The following GRM3 variants were observed in gnomAD, a reference collection of about 807,000 sequenced individuals.
GRM3 encodes glutamate metabotropic receptor 3, also known as metabotropic glutamate receptor 3.
Under a neutral mutation model 70.5 loss-of-function variants are expected in GRM3, and 26 were observed. The observed-to-expected ratio is 0.37, with a 90% confidence interval of 0.27 to 0.51. The LOEUF is 0.51. GRM3 is among the 20% of genes least tolerant of loss of function. The pLI, the probability that GRM3 is intolerant of heterozygous loss-of-function variation, is 0.93. For missense variants in GRM3, 859 were observed against 1,123.8 expected (o/e 0.76, Z 3.37); for synonymous variants, 443 against 434.9 (o/e 1.02, Z -0.23).
At chr7:86,841,413 T>C (rs17161032) in intron 4 of GRM3, among the ~76,000 whole-genome samples, 3,899 of 152,100 alleles carry the variant, frequency 0.026, 188 homozygotes, top group African/African-American at 0.09. Flanking sequence ...AAGAGTGGAG[T>C]ATATGAACTA....
At chr7:86,670,186 A>G (rs1214810817) in intron 1 of GRM3, among the ~76,000 whole-genome samples, 1 of 152,218 alleles carries the variant, frequency 6.6e-6, no homozygotes, top group Non-Finnish European at 1.5e-5. Context: ...AAGGCCTACA[A>G]AAATTTGTGC....
chr7:86,816,964 C>CAG (rs1798029337), intron 3 of GRM3, among the ~76,000 whole-genome samples: 1 of 151,824 alleles, frequency 6.6e-6, no homozygotes, highest in Admixed American at 6.6e-5. Context: ...AGGCACAGAA[C>CAG]AGAACCCTGA....
At chr7:86,748,649 T>A (rs1320936236) in intron 1 of GRM3, among the ~76,000 whole-genome samples, 3 of 152,064 alleles carry the variant, frequency 2.0e-5, no homozygotes, top group Admixed American at 2.0e-4. Context: ...TAAATACTCA[T>A]ATTTTAAAAA....
chr7:86,664,808 T>C (rs1175302146), intron 1 of GRM3, among the ~76,000 whole-genome samples: 1 of 151,994 alleles, frequency 6.6e-6, no homozygotes, highest in Non-Finnish European at 1.5e-5. Context: ...ACATGTGTGC[T>C]AGTAAACCCA....
chr7:86,786,476 G>A lies in GRM3; in HGVS notation c.684G>A (p.Glu228=), dbSNP rs776089280. ...SEGDYGETGI[E]AFEQEARLRN... ...GTGATTACGGGGAGACAGGGATCGA[G>A]GCCTTCGAGCAGGAAGCCCGCCTGC... The change falls in exon 3 of 6, where the codon GAG becomes GAA. Residue 228 remains glutamate, a synonymous_variant. Transcript: ENST00000361669. This position sits in a 1 kb window ranked among gnomAD's most constrained non-coding sequence, Gnocchi z 6.0. The A allele has an allele frequency of 1.9e-6, 3 of 1,614,244 alleles. No homozygotes were observed. The South Asian group carries it at 3.3e-5, about 18-fold the overall frequency.
intron 3 of GRM3, among the ~76,000 whole-genome samples, chr7:86,834,585 A>ATTT (rs67542488): frequency 6.7e-5 from 9 of 134,332 alleles, no homozygotes; most frequent in African/African-American, 2.1e-4. Context: ...TGCTTTCTCC[A>ATTT]TTTTTTTTTT....
chr7:86,849,207 T>C (rs1427988765), intron 4 of GRM3, among the ~76,000 whole-genome samples: 1 of 152,118 alleles, frequency 6.6e-6, no homozygotes, highest in East Asian at 1.9e-4. Flanking sequence ...AAACAAATTG[T>C]CCCAGATTCA....
In GRM3 at chr7:86,786,707, G is replaced by A. The variant is rs748466867; in HGVS notation, c.915G>A (p.Ala305=). Residue 305 remains alanine (A), a synonymous_variant, in exon 3 of 6, where the codon GCG becomes GCA. Coordinates refer to ENST00000361669, the MANE Select transcript of GRM3 (RefSeq NM_000840.3). This position sits in a 1 kb window ranked among gnomAD's most constrained non-coding sequence, Gnocchi z 6.0. ...FTWVASDGWG[A]QESIIKGSEH... Reference sequence around the variant, plus strand: ...GGGTGGCCAGCGACGGCTGGGGCGCGCAGGAGAGCATCATCAAGGGCAGCG... The same window carrying A: ...GGGTGGCCAGCGACGGCTGGGGCGCACAGGAGAGCATCATCAAGGGCAGCG... The A allele has an allele frequency of 1.2e-6, 2 of 1,612,616 alleles. No individual in the cohort carries two copies. The highest frequency in any genetic ancestry group is 1.7e-6 in the Non-Finnish European group (2 of 1,180,012).
intron 1 of GRM3, among the ~76,000 whole-genome samples, chr7:86,688,582 C>T (rs975426947): frequency 4.0e-5 from 6 of 151,010 alleles, no homozygotes; most frequent in East Asian, 1.9e-4. Context: ...AAAAAGCATA[C>T]GAAAGAAAAG....
At chr7:86,761,062 C>G (rs77315161) in intron 1 of GRM3, among the ~76,000 whole-genome samples, 3,449 of 152,180 alleles carry the variant, frequency 0.023, 68 homozygotes, top group East Asian at 0.05. Flanking sequence ...TTCATAAAAA[C>G]AGAGATGCAT....
chr7:86,790,227 T>C (rs2116568847), intron 3 of GRM3, among the ~76,000 whole-genome samples: 1 of 152,082 alleles, frequency 6.6e-6, no homozygotes, highest in East Asian at 1.9e-4. Context: ...ATCATTCCTA[T>C]ACTTCCCAAA....
chr7:86,765,724 G>A, intron 2 of GRM3, 111 bp downstream of exon 2: 1 of 830,718 alleles, frequency 1.2e-6, no homozygotes, highest in African/African-American at 1.7e-5. Flanking sequence ...TATCAACAAT[G>A]CAATTATTAA....
At chr7:86,827,246 T>C (rs1002513547) in intron 3 of GRM3, among the ~76,000 whole-genome samples, 1 of 152,238 alleles carries the variant, frequency 6.6e-6, no homozygotes, top group Admixed American at 6.5e-5. Flanking sequence ...AATTATATAT[T>C]TGTAATCTTG....
At chr7:86,787,387 A>G (rs1239051761) in intron 3 of GRM3, among the ~76,000 whole-genome samples, 1 of 152,230 alleles carries the variant, frequency 6.6e-6, no homozygotes, top group Non-Finnish European at 1.5e-5. Flanking sequence ...GATTAGGGCC[A>G]GGCTAGATTT....
At chr7:86,738,765 A>G (rs537313238) in intron 1 of GRM3, among the ~76,000 whole-genome samples, 7 of 152,352 alleles carry the variant, frequency 4.6e-5, no homozygotes, top group Admixed American at 2.0e-4. Flanking sequence ...AAACCCAAGT[A>G]ATTATTTTTA....
chr7:86,802,139 T>C (rs1797696359), intron 3 of GRM3, among the ~76,000 whole-genome samples: 1 of 152,200 alleles, frequency 6.6e-6, no homozygotes, highest in Admixed American at 6.5e-5. Context: ...GGTTGGTAGA[T>C]ATTATTTCCC....
intron 3 of GRM3, among the ~76,000 whole-genome samples, chr7:86,815,327 C>G (rs2116668072): frequency 6.6e-6 from 1 of 151,920 alleles, no homozygotes. Flanking sequence ...CTATGGATAC[C>G]TCTACATCAT....
intron 5 of GRM3, among the ~76,000 whole-genome samples, chr7:86,857,854 C>A (rs1798879062): frequency 6.6e-6 from 1 of 152,124 alleles, no homozygotes; most frequent in Admixed American, 6.6e-5. Context: ...TGATCCTTTT[C>A]ATTTACCAAT....
At chr7:86,740,506 G>A (rs1303888754) in intron 1 of GRM3, among the ~76,000 whole-genome samples, 1 of 152,110 alleles carries the variant, frequency 6.6e-6, no homozygotes, top group Non-Finnish European at 1.5e-5. Context: ...GTAAGAAAAT[G>A]TAAAATAAGC....
Sources: gnomAD v4.1 joint callset for allele counts (sites outside exome capture counted in the v4.1 genomes callset) on GRCh38, gnomAD v4.1.1 for gene constraint, Gnocchi (gnomAD v3.1) non-coding constraint, MANE v1.5 for transcripts, NCBI Gene and HGNC (gene_info 2026-07-23, HGNC 2026-07-21) for gene names.